TTYH2: variants seen among roughly 807,000 people sequenced by gnomAD.
TTYH2 encodes protein tweety homolog 2.
A neutral mutation model predicts 68.3 loss-of-function variants in TTYH2; 49 were observed. That is an observed-to-expected ratio of 0.72 (90% confidence interval 0.57 to 0.91). TTYH2 has a LOEUF of 0.91. Among genes scored for constraint, TTYH2 ranks in the 40% least tolerant of loss-of-function variants. TTYH2 has a pLI of 0.00. For missense variants in TTYH2, 631 were observed against 700.4 expected, an observed-to-expected ratio of 0.90 and a Z score of 1.12; for synonymous variants, 272 against 300.8, an observed-to-expected ratio of 0.90 and a Z score of 0.99.
At chr17:74,226,962 CTTTCCTTTCCTT>C (rs1044832953) in intron 2 of TTYH2, among the ~76,000 whole-genome samples, 5 of 151,984 alleles carry the variant, frequency 3.3e-5, no homozygotes, top group East Asian at 1.9e-4. Flanking sequence ...TTTTCTCTTC[CTTTCCTTTCCTT>C]TTTCCTTTCC....
intron 12 of TTYH2, 142 bp downstream of exon 12, chr17:74,253,408 GC>G: frequency 2.0e-6 from 2 of 1,021,732 alleles, no homozygotes; most frequent in Non-Finnish European, 2.8e-6. Context: ...TGGAGGGAAG[GC>G]CCCCGGGGAG....
intron 6 of TTYH2, among the ~76,000 whole-genome samples, chr17:74,244,304 C>G (rs1000961882): frequency 6.6e-6 from 1 of 152,216 alleles, no homozygotes; most frequent in Non-Finnish European, 1.5e-5. Context: ...GAGAAGCCCC[C>G]GGCTGCCCAG....
Sources: allele counts gnomAD v4.1 joint callset (sites outside exome capture counted in the v4.1 genomes callset), GRCh38; gene constraint gnomAD v4.1.1; transcripts MANE v1.5; gene names NCBI Gene and HGNC (gene_info 2026-07-23, HGNC 2026-07-21).